Variants in PARVB observed in about 807,000 individuals in gnomAD.
PARVB encodes the protein beta-parvin.
PARVB carries 46 observed loss-of-function variants against 47.0 expected under a neutral mutation model. That is an observed-to-expected ratio of 0.98 (90% confidence interval 0.77 to 1.25). The LOEUF is 1.25. PARVB is among the 50% of genes most tolerant of loss of function. PARVB has a pLI of 0.00. For missense variants in PARVB, 473 were observed against 471.6 expected, an observed-to-expected ratio of 1.00 and a Z score of -0.03; for synonymous variants, 196 against 196.3, an observed-to-expected ratio of 1.00 and a Z score of 0.01.
At chr22:44,076,090 G>A (rs1383169331) in intron 1 of PARVB, among the ~76,000 whole-genome samples, 1 of 152,256 alleles carries the variant, frequency 6.6e-6, no homozygotes, top group South Asian at 2.1e-4. Flanking sequence ...AAGGAGGACC[G>A]CCTGCCTCAA....
chr22:44,016,099 C>CTTTTTTTT (rs562590606), intron 2 of PARVB, among the ~76,000 whole-genome samples: 4 of 129,194 alleles, frequency 3.1e-5, no homozygotes, highest in African/African-American at 8.9e-5. Context: ...TTCTTTCTTT[C>CTTTTTTTT]TTTTTTTTTT....
chr22:44,158,305 C>A (rs557142028), intron 11 of PARVB, among the ~76,000 whole-genome samples: 5 of 152,214 alleles, frequency 3.3e-5, no homozygotes, highest in African/African-American at 1.2e-4. Flanking sequence ...ATTTTCTTTG[C>A]GGTCTTTTCC....
At chr22:44,059,170 T>C (rs1302114716) in intron 1 of PARVB, among the ~76,000 whole-genome samples, 7 of 151,110 alleles carry the variant, frequency 4.6e-5, no homozygotes, top group Non-Finnish European at 1.0e-4. Flanking sequence ...CTCAGCCTCC[T>C]GAATAGCGGG....
upstream of PARVB, among the ~76,000 whole-genome samples, chr22:44,020,790 T>C (rs559266058): frequency 6.6e-6 from 1 of 152,068 alleles, no homozygotes. Flanking sequence ...TCCTTTCTTT[T>C]TTTTTTTTGA....
At chr22:44,004,196 A>G (rs916639285) in intron 2 of PARVB, among the ~76,000 whole-genome samples, 1 of 152,238 alleles carries the variant, frequency 6.6e-6, no homozygotes, top group Admixed American at 6.5e-5. Context: ...TAGCAGAGCC[A>G]TGGGCACAGA....
intron 1 of PARVB, among the ~76,000 whole-genome samples, chr22:44,033,710 A>G (rs1001139989): frequency 3.3e-5 from 5 of 152,230 alleles, no homozygotes; most frequent in African/African-American, 7.2e-5. Context: ...TTACAAAGTC[A>G]TGCATTATTA....
At chr22:44,076,211 T>C (rs1420420847) in intron 1 of PARVB, among the ~76,000 whole-genome samples, 1 of 152,134 alleles carries the variant, frequency 6.6e-6, no homozygotes, top group Non-Finnish European at 1.5e-5. Context: ...AGCAGCTGAG[T>C]TGGGGGCCCC....
chr22:44,083,403 C>T (rs568998778), intron 1 of PARVB, among the ~76,000 whole-genome samples: 37 of 152,200 alleles, frequency 2.4e-4, no homozygotes, highest in Non-Finnish European at 4.6e-4. Context: ...GGCCCCTGTG[C>T]ACTCCTTGCG....
At chr22:44,018,120 G>T (rs756435456) in intron 2 of PARVB, among the ~76,000 whole-genome samples, 2 of 152,044 alleles carry the variant, frequency 1.3e-5, no homozygotes, top group East Asian at 1.9e-4. Context: ...ACCACATCTC[G>T]GCCAGGCACA....
rs994316676 is a variant in PARVB, at chr22:44,026,312, G to T, written c.112+1861G>T. 6.1e-6 allele frequency: 6 copies of T among 985,510 alleles called. No individual in the cohort carries two copies. In the South Asian group the frequency reaches 1.4e-4, roughly 23 times the overall value. The allele number at this position is 985,510 out of a possible 1,614,324, so 61.0% of individuals were successfully genotyped here. A position where few individuals can be genotyped will look rare whatever the true frequency, so the allele number is the denominator to read the frequency against. On this transcript the variant is annotated intron_variant, in intron 1 of 12. Coordinates refer to ENST00000338758, the MANE Select transcript of PARVB (RefSeq NM_013327.5). ...AGCAGGAAGCATCCTGTGCTGAATA[G>T]AACGGGCGTGGAGGCAGGAGGAGGA...
chr22:44,055,338 T>G (rs1214975939), intron 1 of PARVB, among the ~76,000 whole-genome samples: 1 of 151,046 alleles, frequency 6.6e-6, no homozygotes, highest in Non-Finnish European at 1.5e-5. Flanking sequence ...TATGTAGCTC[T>G]CTCTGTCTCT....
chr22:44,079,017 G>A (rs1017339978), intron 1 of PARVB, among the ~76,000 whole-genome samples: 5 of 152,298 alleles, frequency 3.3e-5, no homozygotes, highest in African/African-American at 4.8e-5. Flanking sequence ...GTGAGCCACC[G>A]CGCCCGGCCC....
At position 44,048,710 on chromosome 22, in the gene PARVB, C is replaced by T. The variant is rs953015593; in HGVS notation, c.112+24259C>T. ...CCAAGTAGCTGGGATGACAGGAGTCCGCCACCATGCCTGGCTAATCTTTGT... is the reference window on the plus strand; with the variant it reads ...CCAAGTAGCTGGGATGACAGGAGTCTGCCACCATGCCTGGCTAATCTTTGT... On this transcript the variant is annotated intron_variant, in intron 1 of 12. Coordinates refer to ENST00000338758, the MANE Select transcript of PARVB (RefSeq NM_013327.5). 3.3e-5 allele frequency among the ~76,000 whole-genome samples: 5 copies of T among 152,112 alleles called. No individual in the cohort carries two copies. The South Asian group carries it at 6.2e-4, about 19-fold the overall frequency.
chr22:44,070,216 C>T lies in PARVB; in HGVS notation c.113-23712C>T, dbSNP rs2051624355. On this transcript the variant is annotated intron_variant, in intron 1 of 12. Coordinates refer to ENST00000338758, the MANE Select transcript of PARVB (RefSeq NM_013327.5). The stretch of plus-strand genomic sequence containing the variant: ...AGCCCAGAGAGGTTAAGTAACCTGC[C>T]CAAGGTCACACCGCAGATCGGAATG... 3.9e-5 allele frequency among the ~76,000 whole-genome samples: 6 copies of T among 152,230 alleles called. No individual in the cohort carries two copies. In the South Asian group the frequency reaches 1.2e-3, roughly 32 times the overall value.
chr22:44,034,015 G>A (rs546027276), intron 1 of PARVB, among the ~76,000 whole-genome samples: 43 of 151,812 alleles, frequency 2.8e-4, no homozygotes, highest in African/African-American at 9.7e-4. Flanking sequence ...GTCCGGGGCG[G>A]GGCCTCATGC....
At chr22:44,147,991 C>A in intron 9 of PARVB, 69 bp downstream of exon 9, 2 of 1,174,454 alleles carry the variant, frequency 1.7e-6, no homozygotes, top group Non-Finnish European at 1.3e-6. Context: ...ACAAACGCCC[C>A]GCTGGGAAGA....
At chr22:44,131,302 T>C (rs1449107599) in intron 4 of PARVB, among the ~76,000 whole-genome samples, 185 bp from the exon 5 acceptor site, 1 of 151,638 alleles carries the variant, frequency 6.6e-6, no homozygotes, top group Non-Finnish European at 1.5e-5. Flanking sequence ...CCACCACGCC[T>C]GGCTAATTTT....
chr22:44,078,533 G>A (rs2051827395), intron 1 of PARVB, among the ~76,000 whole-genome samples: 1 of 152,176 alleles, frequency 6.6e-6, no homozygotes, highest in South Asian at 2.1e-4. Flanking sequence ...TAAGGACCCT[G>A]TCAATCACAT....
chr22:44,086,681 C>G (rs942899071), intron 1 of PARVB: 61 of 868,516 alleles, frequency 7.0e-5, no homozygotes, highest in Middle Eastern at 5.8e-4. Flanking sequence ...TATTTTAACT[C>G]CACTGAGCTG....
Sources: allele counts gnomAD v4.1 joint callset (sites outside exome capture counted in the v4.1 genomes callset), GRCh38; gene constraint gnomAD v4.1.1; transcripts MANE v1.5; gene names NCBI Gene and HGNC (gene_info 2026-07-23, HGNC 2026-07-21).